The following EPB41L4B variants were observed in gnomAD, a reference collection of about 807,000 sequenced individuals.
EPB41L4B encodes the protein erythrocyte membrane protein band 4.1 like 4B.
A neutral mutation model predicts 112.5 loss-of-function variants in EPB41L4B; 30 were observed. That is an observed-to-expected ratio of 0.27 (90% CI 0.20 to 0.36). The LOEUF is 0.36. EPB41L4B is among the 10% of genes least tolerant of loss of function. EPB41L4B has a pLI of 1.00. For missense variants in EPB41L4B, 1,024 were observed against 1,133.3 expected (o/e 0.90, Z 1.38); for synonymous variants, 408 against 439.7 (o/e 0.93, Z 0.90).
chr9:109,229,816 T>C (rs1218478895), intron 15 of EPB41L4B, among the ~76,000 whole-genome samples: 1 of 152,154 alleles, frequency 6.6e-6, no homozygotes, highest in Non-Finnish European at 1.5e-5. Context: ...GGGCAGGACA[T>C]GGGGAGCCTG....
chr9:109,272,123 A>G (rs77213023), intron 2 of EPB41L4B, among the ~76,000 whole-genome samples: 1,587 of 152,298 alleles, frequency 0.01, 26 homozygotes, highest in African/African-American at 0.036. Context: ...GACGAAACTC[A>G]TAACGGGATT....
At chr9:109,313,995 T>C (rs1476337185) in intron 1 of EPB41L4B, among the ~76,000 whole-genome samples, 1 of 152,198 alleles carries the variant, frequency 6.6e-6, no homozygotes, top group Non-Finnish European at 1.5e-5. Context: ...GGGTCTTCGA[T>C]GAATGCATTG....
At chr9:109,231,362 C>T (rs1833946787) in intron 15 of EPB41L4B, among the ~76,000 whole-genome samples, 1 of 152,104 alleles carries the variant, frequency 6.6e-6, no homozygotes, top group Non-Finnish European at 1.5e-5. Flanking sequence ...GATTAGTTAC[C>T]TGGAGCCAAA....
At chr9:109,233,059 G>A (rs1281268556) in intron 15 of EPB41L4B, among the ~76,000 whole-genome samples, 1 of 152,170 alleles carries the variant, frequency 6.6e-6, no homozygotes, top group Non-Finnish European at 1.5e-5. Flanking sequence ...TGCAGAATGT[G>A]GATGTTTAAA....
intron 3 of EPB41L4B, 87 bp downstream of exon 3, chr9:109,268,304 A>G: frequency 8.2e-7 from 1 of 1,221,330 alleles, no homozygotes; most frequent in Non-Finnish European, 1.2e-6. Context: ...TCCAAGTTCT[A>G]ATGAAAACAT....
At chr9:109,297,794 C>A (rs188902728) in intron 1 of EPB41L4B, among the ~76,000 whole-genome samples, 5 of 152,348 alleles carry the variant, frequency 3.3e-5, no homozygotes, top group Admixed American at 6.5e-5. Flanking sequence ...TCCTTGGGTC[C>A]CACTCATGCC....
At chr9:109,279,295 C>G (rs1194280324) in intron 2 of EPB41L4B, among the ~76,000 whole-genome samples, 1 of 151,838 alleles carries the variant, frequency 6.6e-6, no homozygotes, top group Non-Finnish European at 1.5e-5. Flanking sequence ...GAGCTCACTG[C>G]AGCCTTGACC....
intron 2 of EPB41L4B, among the ~76,000 whole-genome samples, chr9:109,276,798 A>G (rs1210604444): frequency 6.6e-6 from 1 of 152,218 alleles, no homozygotes; most frequent in Non-Finnish European, 1.5e-5. Context: ...ATGAGGGGTC[A>G]CTTGGGGATG....
At chr9:109,280,795 T>C (rs1836004011) in intron 1 of EPB41L4B, among the ~76,000 whole-genome samples, 1 of 149,450 alleles carries the variant, frequency 6.7e-6, no homozygotes, top group Non-Finnish European at 1.5e-5. Flanking sequence ...CTAAGTGCCA[T>C]AATCACAAAG....
chr9:109,279,773 T>A (rs1835965416), intron 2 of EPB41L4B, 44 bp downstream of exon 2: 1 of 1,542,432 alleles, frequency 6.5e-7, no homozygotes, highest in Admixed American at 1.7e-5. Context: ...CAATTAGCAA[T>A]GAAAAGCCAA....
intron 20 of EPB41L4B, 128 bp from the exon 21 acceptor site, chr9:109,194,525 AC>A: frequency 3.1e-6 from 3 of 973,366 alleles, no homozygotes; most frequent in Non-Finnish European, 4.5e-6. Flanking sequence ...ACAGATGTCC[AC>A]CAGATGTCCA....
chr9:109,174,862 C>T (rs1831754945), intron 25 of EPB41L4B, among the ~76,000 whole-genome samples: 1 of 151,574 alleles, frequency 6.6e-6, no homozygotes, highest in Non-Finnish European at 1.5e-5. Flanking sequence ...CATCTCTAAA[C>T]CTCCAGAGCC....
intron 6 of EPB41L4B, among the ~76,000 whole-genome samples, chr9:109,260,119 T>A (rs908878197): frequency 6.6e-6 from 1 of 152,128 alleles, no homozygotes; most frequent in Non-Finnish European, 1.5e-5. Context: ...TAGGCTGGAG[T>A]GCAGTGGCGT....
chr9:109,279,375 C>G (rs1321882441), intron 2 of EPB41L4B, among the ~76,000 whole-genome samples: 2 of 152,082 alleles, frequency 1.3e-5, no homozygotes, highest in Admixed American at 6.5e-5. Flanking sequence ...TGCCACCATG[C>G]CTGGCTAATT....
At position 109,255,443 on chromosome 9, in the gene EPB41L4B, T is replaced by C. The variant is rs1460607910; in HGVS notation, c.1169+68A>G. On this transcript the variant is annotated intron_variant, in intron 11 of 25. Transcript: ENST00000374566. ...ACTCAAATCCACTACTCTATTCGCA[T>C]ACAAGAAAGAAATCACAGTTGCCCT... 4 of 1,577,458 alleles carry C rather than the reference T, an allele frequency of 2.5e-6. No homozygotes were observed. In the Admixed American group the frequency reaches 6.8e-5, roughly 27 times the overall value.
At chr9:109,276,309 GA>G (rs961807023) in intron 2 of EPB41L4B, among the ~76,000 whole-genome samples, 59 of 143,192 alleles carry the variant, frequency 4.1e-4, no homozygotes, top group African/African-American at 1.4e-3. Flanking sequence ...CATGAAGGGT[GA>G]GGGGGGGGTC....
chr9:109,237,541 C>A (rs933686714), intron 15 of EPB41L4B, among the ~76,000 whole-genome samples: 5 of 152,162 alleles, frequency 3.3e-5, no homozygotes, highest in African/African-American at 1.2e-4. Context: ...AGTGGACCGT[C>A]TCAAATAAGC....
In EPB41L4B at chr9:109,306,603, CAAAA is replaced by C. The variant is rs1230424155; in HGVS notation, c.306+13534_306+13537del. ...ACTCCAGCCTGGGCAACAGAGCGAG[CAAAA>C]AAACAAACAAACAAACAAACAAACA... On this transcript the variant is annotated intron_variant, in intron 1 of 25. Coordinates refer to ENST00000374566, the MANE Select transcript of EPB41L4B (RefSeq NM_019114.5). Among the ~76,000 whole-genome samples, 743 of 92,798 alleles carry C rather than the reference CAAAA, an allele frequency of 8.0e-3. 12 individuals are homozygous for C. The highest frequency in any genetic ancestry group is 0.076 in the East Asian group (232 of 3,054). 60.9% of individuals were successfully genotyped at this position (92,798 alleles called of 152,430 possible).
intron 23 of EPB41L4B, among the ~76,000 whole-genome samples, chr9:109,184,503 G>A (rs2118632481): frequency 6.6e-6 from 1 of 152,400 alleles, no homozygotes; most frequent in African/African-American, 2.4e-5. Flanking sequence ...ACAGGCGTGA[G>A]CCACTGTGCC....
Sources: allele counts gnomAD v4.1 joint callset (sites outside exome capture counted in the v4.1 genomes callset), GRCh38; gene constraint gnomAD v4.1.1; transcripts MANE v1.5; gene names NCBI Gene and HGNC (gene_info 2026-07-23, HGNC 2026-07-21).